NBEA: variants seen among roughly 807,000 people sequenced by gnomAD.
NBEA encodes the protein neurobeachin.
A neutral mutation model predicts 343.4 loss-of-function variants in NBEA; 44 were observed. That is an observed-to-expected ratio of 0.13 (90% CI 0.10 to 0.16). The LOEUF (loss-of-function observed/expected upper bound fraction) is 0.16. NBEA is among the 10% of genes least tolerant of loss of function. The probability of loss-of-function intolerance (pLI) is 1.00; values close to 1 mark genes in which losing one functional copy is unlikely to be tolerated. For synonymous variants in NBEA, 1,175 were observed against 1,238.7 expected (o/e 0.95, Z 1.08); for missense variants, 2,555 against 3,631.3 (o/e 0.70, Z 7.62).
At position 35,353,825 on chromosome 13, in the gene NBEA, T is replaced by C. The variant is rs533266495; in HGVS notation, c.6179+1502T>C. Among the ~76,000 whole-genome samples the C allele has an allele frequency of 3.3e-5, 5 of 152,326 alleles. No homozygotes were observed. The East Asian group carries it at 9.7e-4, about 29-fold the overall frequency. The stretch of plus-strand genomic sequence containing the variant: ...TGCTTGTACAAATAGAGGCAGATTA[T>C]ATCAGTCAGGATGCTCCAGAGATAT... On this transcript the variant is annotated intron_variant, in intron 38 of 58. Transcript: ENST00000379939.
chr13:35,009,215 AC>A (rs908745585), intron 1 of NBEA, among the ~76,000 whole-genome samples: 1 of 152,220 alleles, frequency 6.6e-6, no homozygotes, highest in African/African-American at 2.4e-5. Context: ...ATAGTAGTGT[AC>A]AAAGCAACAA....
At chr13:35,236,095 A>G (rs2075213849) in intron 34 of NBEA, among the ~76,000 whole-genome samples, 1 of 152,236 alleles carries the variant, frequency 6.6e-6, no homozygotes, top group South Asian at 2.1e-4. Context: ...AAATGATGAC[A>G]GCAAATGGTA....
chr13:35,416,967 G>A (rs1316610180), intron 38 of NBEA, among the ~76,000 whole-genome samples: 1 of 152,098 alleles, frequency 6.6e-6, no homozygotes, highest in African/African-American at 2.4e-5. Context: ...AGTCTTGGGA[G>A]GGTGTATGTG....
chr13:35,089,662 A>G (rs1250523671), intron 10 of NBEA, among the ~76,000 whole-genome samples: 6 of 128,380 alleles, frequency 4.7e-5, no homozygotes, highest in African/African-American at 1.5e-4. Flanking sequence ...AACCAACCCA[A>G]ATGTCCAACA....
At chr13:35,008,844 A>G (rs1213782276) in intron 1 of NBEA, among the ~76,000 whole-genome samples, 2 of 152,156 alleles carry the variant, frequency 1.3e-5, no homozygotes, top group African/African-American at 4.8e-5. Context: ...CTTACTTGCA[A>G]CAATTCTTGG....
intron 38 of NBEA, among the ~76,000 whole-genome samples, chr13:35,424,686 C>G (rs758167429): frequency 6.6e-6 from 1 of 152,142 alleles, no homozygotes; most frequent in Non-Finnish European, 1.5e-5. Context: ...GGAGGATTCC[C>G]TCTTTTTCTA....
intron 12 of NBEA, 86 bp from the exon 13 acceptor site, chr13:35,110,724 C>A: frequency 9.2e-7 from 1 of 1,088,818 alleles, no homozygotes. Flanking sequence ...TACTAATTCA[C>A]ATTTAAATTA....
intron 41 of NBEA, among the ~76,000 whole-genome samples, chr13:35,513,406 C>T (rs950466674): frequency 6.7e-6 from 1 of 150,028 alleles, no homozygotes; most frequent in Non-Finnish European, 1.5e-5. Context: ...CTGCCTCAGC[C>T]TCTCAAAGTG....
In NBEA at chr13:35,567,031, A is replaced by G; in HGVS notation, c.7035+14A>G. On this transcript the variant is annotated intron_variant, in intron 45 of 58. Transcript: ENST00000379939. Reference sequence around the variant, plus strand: ...GATCTATCAAAGGTAACTTTTAAATATATAGAAGTCAGCTTTCTTCATAAG... The same window carrying G: ...GATCTATCAAAGGTAACTTTTAAATGTATAGAAGTCAGCTTTCTTCATAAG... 1 of 1,412,964 alleles carries G rather than the reference A, an allele frequency of 7.1e-7. No individual in the cohort carries two copies. Among genetic ancestry groups the G allele is most frequent in the Non-Finnish European group, 1.0e-6 (1 of 1,000,926 alleles). The allele number at this position is 1,412,964 out of a possible 1,614,324, so 87.5% of individuals were successfully genotyped here.
At chr13:35,441,412 C>T (rs137902079) in intron 39 of NBEA, among the ~76,000 whole-genome samples, 5 of 152,072 alleles carry the variant, frequency 3.3e-5, no homozygotes, top group African/African-American at 1.2e-4. Flanking sequence ...TAGAGCAAAA[C>T]CACCATTCAT....
chr13:35,078,042 C>A (rs2064198482), intron 10 of NBEA, among the ~76,000 whole-genome samples: 1 of 152,134 alleles, frequency 6.6e-6, no homozygotes, highest in Non-Finnish European at 1.5e-5. Context: ...TTTAAGGTGT[C>A]TTGGAGTCTT....
At chr13:34,971,246 AGTT>A in intron 1 of NBEA, among the ~76,000 whole-genome samples, 1 of 152,150 alleles carries the variant, frequency 6.6e-6, no homozygotes, top group East Asian at 1.9e-4. Flanking sequence ...ATTTCCCTGT[AGTT>A]GTTTATCAGC....
At chr13:35,088,798 A>G (rs1459502592) in intron 10 of NBEA, among the ~76,000 whole-genome samples, 1 of 150,040 alleles carries the variant, frequency 6.7e-6, no homozygotes, top group African/African-American at 2.5e-5. Flanking sequence ...GAGAAAAACA[A>G]GCAATGGGGA....
intron 36 of NBEA, among the ~76,000 whole-genome samples, chr13:35,348,377 A>G (rs896030914): frequency 6.6e-6 from 1 of 152,120 alleles, no homozygotes; most frequent in African/African-American, 2.4e-5. Context: ...AAACACACCC[A>G]GGCATAACAG....
chr13:35,308,456 A>ATATATATATATATATATATATATATG (rs2037068453), intron 35 of NBEA, among the ~76,000 whole-genome samples: 9 of 118,052 alleles, frequency 7.6e-5, no homozygotes, highest in African/African-American at 3.7e-4. Context: ...ATATATATAT[A>ATATATATATATATATATATATATATG]TATATATATA....
intron 47 of NBEA, among the ~76,000 whole-genome samples, chr13:35,597,719 A>C (rs1319348660): frequency 6.6e-6 from 1 of 152,140 alleles, no homozygotes; most frequent in Non-Finnish European, 1.5e-5. Context: ...CCAGTTATTT[A>C]AGATGCTTCA....
At chr13:35,087,685 GC>G (rs1263008343) in intron 10 of NBEA, among the ~76,000 whole-genome samples, 1 of 151,734 alleles carries the variant, frequency 6.6e-6, no homozygotes, top group African/African-American at 2.4e-5. Flanking sequence ...CAACATTACA[GC>G]CCAAAAGTAG....
intron 48 of NBEA, among the ~76,000 whole-genome samples, chr13:35,619,186 T>C (rs1454119170): frequency 6.6e-6 from 1 of 151,844 alleles, no homozygotes; most frequent in African/African-American, 2.4e-5. Flanking sequence ...TTGGAAGTCT[T>C]ATGTAGGAAT....
chr13:35,271,289 A>G (rs144366722), intron 34 of NBEA, among the ~76,000 whole-genome samples: 2,397 of 152,336 alleles, frequency 0.016, 28 homozygotes, highest in Middle Eastern at 0.034. Context: ...GAAAACTAAC[A>G]AACAGAAAGG....
Sources: allele counts gnomAD v4.1 joint callset (sites outside exome capture counted in the v4.1 genomes callset), GRCh38; gene constraint gnomAD v4.1.1; transcripts MANE v1.5; gene names NCBI Gene and HGNC (gene_info 2026-07-23, HGNC 2026-07-21).